The following TNIK variants were observed in gnomAD, a reference collection of about 807,000 sequenced individuals.
TNIK encodes the protein TRAF2 and NCK-interacting protein kinase.
A neutral mutation model predicts 191.3 loss-of-function variants in TNIK; 49 were observed. That is an observed-to-expected ratio of 0.26 (90% CI 0.20 to 0.32). The LOEUF (loss-of-function observed/expected upper bound fraction) is 0.32. Ranked by LOEUF, TNIK falls within the 10% of genes least tolerant of loss-of-function variation. The probability of loss-of-function intolerance (pLI) is 1.00; values close to 1 mark genes in which losing one functional copy is unlikely to be tolerated. For missense variants in TNIK, 1,155 were observed against 1,702.3 expected (o/e 0.68, Z 5.66); for synonymous variants, 594 against 600.9 (o/e 0.99, Z 0.17).
intron 28 of TNIK, among the ~76,000 whole-genome samples, chr3:171,076,915 C>G (rs1720033323): frequency 6.6e-6 from 1 of 151,320 alleles, no homozygotes; most frequent in Admixed American, 6.6e-5. Context: ...TCTCTAGCTT[C>G]TTCTCTTTCT....
intron 2 of TNIK, among the ~76,000 whole-genome samples, chr3:171,265,375 T>C (rs1400887319): frequency 6.6e-6 from 1 of 152,168 alleles, no homozygotes; most frequent in Non-Finnish European, 1.5e-5. Flanking sequence ...TGGATGCTCA[T>C]TTTCAAAACC....
chr3:171,290,588 A>G (rs1193528681), intron 2 of TNIK, among the ~76,000 whole-genome samples: 1 of 152,208 alleles, frequency 6.6e-6, no homozygotes, highest in Non-Finnish European at 1.5e-5. Context: ...TGTACCTGCT[A>G]CTAACATATC....
intron 12 of TNIK, among the ~76,000 whole-genome samples, chr3:171,148,875 G>A (rs1173209802): frequency 6.6e-6 from 1 of 152,186 alleles, no homozygotes; most frequent in Non-Finnish European, 1.5e-5. Flanking sequence ...AGAATGTGCT[G>A]CCTCAAGCCC....
intron 1 of TNIK, among the ~76,000 whole-genome samples, chr3:171,399,896 G>A (rs1720705703): frequency 6.6e-6 from 1 of 152,170 alleles, no homozygotes; most frequent in Admixed American, 6.5e-5. Flanking sequence ...AAAATCAGGA[G>A]GTGGGGAAGT....
chr3:171,277,042 T>C (rs1411870300), intron 2 of TNIK, among the ~76,000 whole-genome samples: 3 of 152,220 alleles, frequency 2.0e-5, no homozygotes, highest in Non-Finnish European at 2.9e-5. Context: ...GATTAGGTCA[T>C]GAGGGCTCTG....
chr3:171,097,935 TAA>T (rs1722948411), intron 22 of TNIK, among the ~76,000 whole-genome samples: 1 of 152,046 alleles, frequency 6.6e-6, no homozygotes, highest in South Asian at 2.1e-4. Flanking sequence ...AGCAACAAAA[TAA>T]AGATTATATC....
chr3:171,401,288 C>T (rs1438724491), intron 1 of TNIK, among the ~76,000 whole-genome samples: 2 of 152,086 alleles, frequency 1.3e-5, no homozygotes, highest in Non-Finnish European at 1.5e-5. Context: ...GGCAATTTTA[C>T]AGCCAACACA....
At chr3:171,452,426 T>G (rs1450377400) in intron 1 of TNIK, among the ~76,000 whole-genome samples, 3 of 151,990 alleles carry the variant, frequency 2.0e-5, no homozygotes, top group Non-Finnish European at 4.4e-5. Flanking sequence ...GGAAGTCACC[T>G]CCAGCAATTT....
chr3:171,098,060 G>A (rs560836723), intron 22 of TNIK, among the ~76,000 whole-genome samples: 9 of 152,278 alleles, frequency 5.9e-5, no homozygotes, highest in East Asian at 5.8e-4. Flanking sequence ...AGGAGGGAAC[G>A]CATGATTCCC....
At chr3:171,203,268 C>T (rs1739637484) in intron 4 of TNIK, among the ~76,000 whole-genome samples, 1 of 152,164 alleles carries the variant, frequency 6.6e-6, no homozygotes, top group African/African-American at 2.4e-5. Flanking sequence ...TTGTGGCCAA[C>T]ATCAATGCAG....
chr3:171,098,174 C>G (rs1036871350), intron 22 of TNIK, among the ~76,000 whole-genome samples: 8 of 152,296 alleles, frequency 5.3e-5, no homozygotes, highest in South Asian at 4.2e-4. Flanking sequence ...ATCTTCCCTA[C>G]TGGAGCATTT....
intron 2 of TNIK, among the ~76,000 whole-genome samples, chr3:171,287,407 A>G (rs1751138201): frequency 1.3e-5 from 2 of 152,228 alleles, no homozygotes; most frequent in Admixed American, 1.3e-4. Context: ...AAACTCTAGA[A>G]TAAGAACATT....
intron 19 of TNIK, among the ~76,000 whole-genome samples, chr3:171,110,093 A>G (rs925002535): frequency 2.0e-5 from 3 of 152,084 alleles, no homozygotes; most frequent in African/African-American, 7.2e-5. Context: ...TTTAGTAGCG[A>G]TGGGGTTTCT....
intron 12 of TNIK, among the ~76,000 whole-genome samples, chr3:171,156,291 A>T (rs1463435855): frequency 6.6e-6 from 1 of 152,148 alleles, no homozygotes; most frequent in Admixed American, 6.5e-5. Flanking sequence ...ATTTGCTGCA[A>T]ACTGGAACTG....
At chr3:171,189,987 GA>G (rs1228022457) in intron 6 of TNIK, among the ~76,000 whole-genome samples, 2 of 152,180 alleles carry the variant, frequency 1.3e-5, no homozygotes, top group Non-Finnish European at 2.9e-5. Flanking sequence ...AAATCTCTTT[GA>G]AAATATACAA....
rs1720686726 is a variant in TNIK at position 171,399,737 on chromosome 3, CAAAAGTAAGAAGACTGGAAG to C, written c.58-30072_58-30053del. Among the ~76,000 whole-genome samples, 4 of 152,192 alleles carry C rather than the reference CAAAAGTAAGAAGACTGGAAG, an allele frequency of 2.6e-5. No homozygotes were observed. The South Asian group carries it at 8.3e-4, about 32-fold the overall frequency. On this transcript the variant is annotated intron_variant, in intron 1 of 32. Transcript: ENST00000436636. ...ATAAAAACATATATATGTGTGCTTG[CAAAAGTAAGAAGACTGGAAG>C]AAAATATACGTGTTTAGTGGCATGT...
chr3:171,344,053 A>G (rs2108412407), intron 2 of TNIK, among the ~76,000 whole-genome samples: 1 of 152,290 alleles, frequency 6.6e-6, no homozygotes, highest in Non-Finnish European at 1.5e-5. Context: ...GTCTCTTCCT[A>G]GAAAGTTTCA....
intron 3 of TNIK, among the ~76,000 whole-genome samples, chr3:171,222,250 C>G (rs1034007536): frequency 2.6e-5 from 4 of 152,118 alleles, no homozygotes; most frequent in African/African-American, 9.7e-5. Flanking sequence ...TATGCCCTGA[C>G]TGGCTCGATT....
chr3:171,191,489 C>T (rs752401654), intron 5 of TNIK, among the ~76,000 whole-genome samples: 14 of 152,216 alleles, frequency 9.2e-5, no homozygotes, highest in South Asian at 6.2e-4. Context: ...CCATTCACTT[C>T]GGCCTCCCAA....
Sources: gnomAD v4.1 joint callset for allele counts (sites outside exome capture counted in the v4.1 genomes callset) on GRCh38, gnomAD v4.1.1 for gene constraint, MANE v1.5 for transcripts, NCBI Gene and HGNC (gene_info 2026-07-23, HGNC 2026-07-21) for gene names.